The following RAD9B variants were observed in gnomAD, a reference collection of about 807,000 sequenced individuals.
RAD9B encodes cell cycle checkpoint control protein RAD9B.
A neutral mutation model predicts 48.3 loss-of-function variants in RAD9B; 41 were observed. The observed-to-expected ratio is 0.85, with a 90% CI of 0.66 to 1.10. The LOEUF (loss-of-function observed/expected upper bound fraction) is 1.10. Ranked by LOEUF, RAD9B falls within the 50% of genes least tolerant of loss-of-function variation. RAD9B has a pLI of 0.00. For synonymous variants in RAD9B, 160 were observed against 157.9 expected, an observed-to-expected ratio of 1.01 and a Z score of -0.10; for missense variants, 444 against 485.1, an observed-to-expected ratio of 0.92 and a Z score of 0.80.
At chr12:110,517,203 C>T (rs916211520) in intron 6 of RAD9B, among the ~76,000 whole-genome samples, 23 of 151,850 alleles carry the variant, frequency 1.5e-4, no homozygotes, top group African/African-American at 5.6e-4. Flanking sequence ...TGGTGGCATG[C>T]ACCTGTAGTC....
chr12:110,510,589 G>A (rs1011561330), intron 4 of RAD9B, among the ~76,000 whole-genome samples: 6 of 152,116 alleles, frequency 3.9e-5, no homozygotes, highest in African/African-American at 1.2e-4. Flanking sequence ...AGCCATCTCA[G>A]TTGTCCCAGT....
rs778847411 is a variant in RAD9B at position 110,533,160 on chromosome 12, T to G, written c.*2507T>G. ...CTAGAATGACTAGGAGGCTTGGAAA[T>G]GAGGACCTGATAGTGACCAACAAAC... On this transcript the variant is annotated 3_prime_UTR_variant, in exon 11 of 11. Coordinates refer to ENST00000409300, the MANE Select transcript of RAD9B (RefSeq NM_001286535.2). 1.3e-5 allele frequency: 2 copies of G among 152,202 alleles called. No individual in the cohort carries two copies. Among genetic ancestry groups the G allele is most frequent in the Non-Finnish European group, 2.9e-5 (2 of 68,050 alleles). 9.4% of individuals were successfully genotyped at this position (152,202 alleles called of 1,614,324 possible).
rs2064146751 is a variant in RAD9B, at chr12:110,531,780, T to G, written c.*1127T>G. ...TCTGGCACAAAACATTGTTATGTAA[T>G]GTCTTATGATGTGTGCCTCTCCCTC... On this transcript the variant is annotated 3_prime_UTR_variant, in exon 11 of 11. Coordinates refer to ENST00000409300, the MANE Select transcript of RAD9B (RefSeq NM_001286535.2). The G allele has an allele frequency of 1.5e-6, 1 of 656,454 alleles. No homozygotes were observed. The highest frequency in any genetic ancestry group is 2.9e-5 in the East Asian group (1 of 34,284). 40.7% of individuals were successfully genotyped at this position (656,454 alleles called of 1,614,324 possible).
chr12:110,527,130 G>T (rs1244385758), intron 10 of RAD9B, among the ~76,000 whole-genome samples: 5 of 151,756 alleles, frequency 3.3e-5, no homozygotes, highest in African/African-American at 1.2e-4. Context: ...CTCTGGGGGA[G>T]AATCTGCTTT....
At chr12:110,522,059 T>C (rs2063802727) in intron 9 of RAD9B, 118 bp from the exon 10 acceptor site, 1 of 650,230 alleles carries the variant, frequency 1.5e-6, no homozygotes, top group Non-Finnish European at 2.6e-6. Flanking sequence ...TAGTTCCATG[T>C]ATTTCAATAT....
chr12:110,530,964 T>C lies in RAD9B; in HGVS notation c.*311T>C. ...AGAGCTTTTAACATCTTTGCTAGTT[T>C]TATAAAGGTATTTAAACTTTATTCA... is the stretch of plus-strand genomic sequence containing the variant. On this transcript the variant is annotated 3_prime_UTR_variant, in exon 11 of 11. Transcript: ENST00000409300. 9.5e-7 allele frequency: 1 copy of C among 1,057,098 alleles called. No homozygotes were observed. The highest frequency in any genetic ancestry group is 1.1e-6 in the Non-Finnish European group (1 of 875,840). The allele number at this position is 1,057,098 out of a possible 1,614,324, so 65.5% of individuals were successfully genotyped here. A position where few individuals can be genotyped will look rare whatever the true frequency, so the allele number is the denominator to read the frequency against.
chr12:110,511,075 G>A (rs2063443997), intron 4 of RAD9B, among the ~76,000 whole-genome samples: 1 of 152,140 alleles, frequency 6.6e-6, no homozygotes, highest in South Asian at 2.1e-4. Flanking sequence ...AGAAATATCA[G>A]TCCTGGATGG....
chr12:110,505,584 C>T (rs1227003059), intron 2 of RAD9B, 33 bp from the exon 3 acceptor site: 1 of 1,503,318 alleles, frequency 6.7e-7, no homozygotes, highest in East Asian at 2.6e-5. Flanking sequence ...CATGCGCAAC[C>T]TCTCCTAAAT....
In RAD9B at chr12:110,531,716, T is replaced by G; in HGVS notation, c.*1063T>G. 1 of 1,344,322 alleles carries G rather than the reference T, an allele frequency of 7.4e-7. No homozygotes were observed. The highest frequency in any genetic ancestry group is 1.3e-5 in the South Asian group (1 of 78,724). The allele number at this position is 1,344,322 out of a possible 1,614,324, so 83.3% of individuals were successfully genotyped here. A position where few individuals can be genotyped will look rare whatever the true frequency, so the allele number is the denominator to read the frequency against. On this transcript the variant is annotated 3_prime_UTR_variant, in exon 11 of 11. Coordinates refer to ENST00000409300, the MANE Select transcript of RAD9B (RefSeq NM_001286535.2). The stretch of plus-strand genomic sequence containing the variant: ...CAAATGTCTCTGTTCTTTGGCCCTT[T>G]AAGAGTTAGCTTTTTACCTGCACAA...
chr12:110,519,230 A>G (rs1478152696), intron 8 of RAD9B, among the ~76,000 whole-genome samples: 2 of 151,862 alleles, frequency 1.3e-5, no homozygotes, highest in South Asian at 2.1e-4. Context: ...CAGCCTCCCA[A>G]GTAGCTGGGA....
At position 110,522,362 on chromosome 12, in the gene RAD9B, G is replaced by T; in HGVS notation, c.1076G>T (p.Ser359Ile). The T allele has an allele frequency of 6.2e-7, 1 of 1,613,302 alleles. No individual in the cohort carries two copies. Among genetic ancestry groups the T allele is most frequent in the East Asian group, 2.2e-5 (1 of 44,882 alleles). ...GGAGATGTCAGTGAAGTATCAGAAA[G>T]CAGTGTCAGCAACACAGAGGAAGTG... ...VDGDVSEVSESSVSNTEEVPG... is the reference protein window; with the variant it reads ...VDGDVSEVSEISVSNTEEVPG... Residue 359 changes from serine to isoleucine, a missense_variant, in exon 10 of 11, where the codon AGC becomes ATC. Ser to Ile is a moderately radical substitution (Grantham distance 142, BLOSUM62 -2). Transcript: ENST00000409300.
chr12:110,527,957 G>A (rs1405982468), intron 10 of RAD9B, among the ~76,000 whole-genome samples: 1 of 152,164 alleles, frequency 6.6e-6, no homozygotes, highest in African/African-American at 2.4e-5. Context: ...TGAAGGAGCT[G>A]AGGGATGGCC....
Position 110,512,794 on chromosome 12 carries a change from A to G in RAD9B, c.404A>G (p.His135Arg), listed in dbSNP as rs1010628882. The G allele has an allele frequency of 7.2e-7, 1 of 1,396,330 alleles. No homozygotes were observed. Among genetic ancestry groups the G allele is most frequent in the Non-Finnish European group, 9.9e-7 (1 of 1,009,424 alleles). The allele number at this position is 1,396,330 out of a possible 1,614,324, so 86.5% of individuals were successfully genotyped here. The change falls in exon 5 of 11, where the codon CAT (histidine) becomes CGT (arginine). Residue 135 changes from histidine (H) to arginine (R), a missense_variant. Physicochemically the swap from His to Arg is conservative, Grantham distance 29 (BLOSUM62 0). Coordinates refer to ENST00000409300, the MANE Select transcript of RAD9B (RefSeq NM_001286535.2). ...FFYRHGIKRTHNICFQESQPL... is the reference protein window; with the variant it reads ...FFYRHGIKRTRNICFQESQPL... Reference sequence around the variant, plus strand: ...TCTTTTTAAGGTATTAAAAGAACTCATAATATATGTTTTCAAGAAAGTCAG... The same window carrying G: ...TCTTTTTAAGGTATTAAAAGAACTCGTAATATATGTTTTCAAGAAAGTCAG...
chr12:110,529,587 C>CG (rs962624022), intron 10 of RAD9B, among the ~76,000 whole-genome samples: 2 of 146,508 alleles, frequency 1.4e-5, no homozygotes, highest in Admixed American at 6.8e-5. Context: ...CTGGTCTTTA[C>CG]GGAAAAAAAA....
chr12:110,529,047 TA>T (rs2064039274), intron 10 of RAD9B, among the ~76,000 whole-genome samples: 1 of 148,486 alleles, frequency 6.7e-6, no homozygotes, highest in Non-Finnish European at 1.5e-5. Context: ...TTTTTTTAAG[TA>T]AAGAGTAGGA....
intron 6 of RAD9B, among the ~76,000 whole-genome samples, chr12:110,516,804 T>G (rs1326369670): frequency 6.6e-6 from 1 of 151,896 alleles, no homozygotes; most frequent in Non-Finnish European, 1.5e-5. Context: ...AGAGCAAGAC[T>G]CTGTCTAAAA....
At chr12:110,502,650 G>T in intron 1 of RAD9B, 1 of 481,470 alleles carries the variant, frequency 2.1e-6, no homozygotes, top group East Asian at 3.6e-5. Flanking sequence ...GGGATGCTGA[G>T]GACTGCATGG....
chr12:110,511,854 T>C (rs577975614), intron 4 of RAD9B, among the ~76,000 whole-genome samples: 1 of 152,254 alleles, frequency 6.6e-6, no homozygotes, highest in Non-Finnish European at 1.5e-5. Context: ...ATACATTTTT[T>C]CTTTTTTTTT....
intron 6 of RAD9B, among the ~76,000 whole-genome samples, chr12:110,518,454 T>C (rs1056510115): frequency 6.6e-6 from 1 of 152,216 alleles, no homozygotes; most frequent in South Asian, 2.1e-4. Context: ...AATGGACTTA[T>C]AGACCCTGAA....
Sources: allele counts gnomAD v4.1 joint callset (sites outside exome capture counted in the v4.1 genomes callset), GRCh38; gene constraint gnomAD v4.1.1; transcripts MANE v1.5; gene names NCBI Gene and HGNC (gene_info 2026-07-23, HGNC 2026-07-21).